Variants in SLC39A11 observed in about 807,000 individuals in gnomAD.
SLC39A11 encodes zinc transporter ZIP11.
Under a neutral mutation model 36.1 loss-of-function variants are expected in SLC39A11, and 33 were observed. The observed-to-expected ratio is 0.91, with a 90% CI of 0.69 to 1.22. The LOEUF (loss-of-function observed/expected upper bound fraction) is 1.22. Ranked by LOEUF, SLC39A11 falls within the 50% of genes most tolerant of loss-of-function variation. The pLI is 0.00. For synonymous variants in SLC39A11, 166 were observed against 170.3 expected (o/e 0.97, Z 0.20); for missense variants, 432 against 430.3 (o/e 1.00, Z -0.03).
At chr17:72,848,616 G>A (rs570352124) in intron 6 of SLC39A11, among the ~76,000 whole-genome samples, 3 of 151,988 alleles carry the variant, frequency 2.0e-5, no homozygotes, top group South Asian at 4.2e-4. Context: ...AGCTACTCAA[G>A]AGGCTGTGGC....
At chr17:72,909,172 ATGGCTCACTG>A (rs2082831243) in intron 5 of SLC39A11, among the ~76,000 whole-genome samples, 1 of 152,106 alleles carries the variant, frequency 6.6e-6, no homozygotes, top group South Asian at 2.1e-4. Flanking sequence ...TGGGGCAGTT[ATGGCTCACTG>A]TGGCCTCAAC....
At chr17:72,922,991 C>A (rs113676218) in intron 5 of SLC39A11, among the ~76,000 whole-genome samples, 19,301 of 75,228 alleles carry the variant, frequency 0.26, 2,740 homozygotes, top group Non-Finnish European at 0.31. Flanking sequence ...AAAAAAAAAA[C>A]ACACAGAAAA....
chr17:72,898,679 A>G (rs2082153777), intron 5 of SLC39A11, among the ~76,000 whole-genome samples: 1 of 152,174 alleles, frequency 6.6e-6, no homozygotes, highest in Non-Finnish European at 1.5e-5. Flanking sequence ...ATGCACATAC[A>G]TGTATACATG....
chr17:73,056,294 G>A (rs1293615279), intron 3 of SLC39A11, among the ~76,000 whole-genome samples: 3 of 151,874 alleles, frequency 2.0e-5, no homozygotes, highest in East Asian at 1.9e-4. Context: ...TCAGCCTCCC[G>A]AGTAGCTGGG....
At chr17:73,085,178 G>A (rs929685350) in intron 2 of SLC39A11, among the ~76,000 whole-genome samples, 21 of 152,116 alleles carry the variant, frequency 1.4e-4, no homozygotes, top group African/African-American at 4.6e-4. Flanking sequence ...ATTACTGAGC[G>A]TTGGTGAGGA....
chr17:73,029,066 C>T (rs2058656468), intron 4 of SLC39A11, among the ~76,000 whole-genome samples: 2 of 150,340 alleles, frequency 1.3e-5, no homozygotes, highest in Non-Finnish European at 3.0e-5. Flanking sequence ...TGCGGTGAGC[C>T]AAGATCACGC....
chr17:72,809,225 C>CTCTCTCTCTCTCTCTCTCTCTT (rs1568127678), intron 6 of SLC39A11, among the ~76,000 whole-genome samples: 9 of 150,918 alleles, frequency 6.0e-5, no homozygotes, highest in African/African-American at 2.2e-4. Flanking sequence ...CTCTCTCTCT[C>CTCTCTCTCTCTCTCTCTCTCTT]TCTTTCTTTC....
intron 6 of SLC39A11, among the ~76,000 whole-genome samples, chr17:72,807,845 G>T (rs1253075757): frequency 6.6e-6 from 1 of 152,160 alleles, no homozygotes; most frequent in Non-Finnish European, 1.5e-5. Context: ...CCGACGAGGG[G>T]GTCGTGGGAA....
At chr17:72,670,761 G>T (rs1449623868) in intron 7 of SLC39A11, among the ~76,000 whole-genome samples, 1 of 152,150 alleles carries the variant, frequency 6.6e-6, no homozygotes, top group African/African-American at 2.4e-5. Context: ...TTTTGACATG[G>T]CCTTTTGGAA....
At chr17:72,746,716 T>A (rs1234659039) in intron 6 of SLC39A11, among the ~76,000 whole-genome samples, 1 of 151,838 alleles carries the variant, frequency 6.6e-6, no homozygotes, top group Non-Finnish European at 1.5e-5. Context: ...CCAGCCTGGG[T>A]GACAGAGCAA....
At chr17:72,683,722 C>T (rs2071613624) in intron 7 of SLC39A11, among the ~76,000 whole-genome samples, 1 of 152,026 alleles carries the variant, frequency 6.6e-6, no homozygotes, top group African/African-American at 2.4e-5. Flanking sequence ...GGGTTGATCT[C>T]GTAGAAAACT....
intron 6 of SLC39A11, among the ~76,000 whole-genome samples, chr17:72,784,933 C>T (rs951016647): frequency 3.3e-5 from 5 of 150,732 alleles, no homozygotes; most frequent in Non-Finnish European, 7.4e-5. Context: ...AATCTTGGCT[C>T]ACTGCAACCT....
chr17:72,875,249 T>C (rs1414112415), intron 5 of SLC39A11, among the ~76,000 whole-genome samples: 1 of 152,218 alleles, frequency 6.6e-6, no homozygotes, highest in Non-Finnish European at 1.5e-5. Flanking sequence ...AATTAATTCA[T>C]CATTATTGAA....
intron 6 of SLC39A11, among the ~76,000 whole-genome samples, chr17:72,825,555 C>T (rs1423938365): frequency 6.6e-6 from 1 of 152,172 alleles, no homozygotes; most frequent in African/African-American, 2.4e-5. Flanking sequence ...TTCTTCCAAT[C>T]CCAGAATGGT....
intron 4 of SLC39A11, among the ~76,000 whole-genome samples, chr17:72,988,460 CAAACA>C (rs539765242): frequency 6.6e-5 from 10 of 152,170 alleles, no homozygotes; most frequent in East Asian, 1.9e-4. Flanking sequence ...GAACTTGTCT[CAAACA>C]AAACAAAACA....
chr17:72,811,035 T>C (rs2077420159), intron 6 of SLC39A11, among the ~76,000 whole-genome samples: 2 of 150,742 alleles, frequency 1.3e-5, no homozygotes, highest in Admixed American at 1.3e-4. Flanking sequence ...TTTGTTTTAC[T>C]GTATATATGT....
At chr17:72,771,354 TAAA>T (rs4036979) in intron 6 of SLC39A11, among the ~76,000 whole-genome samples, 20 of 142,920 alleles carry the variant, frequency 1.4e-4, no homozygotes, top group African/African-American at 4.5e-4. Context: ...AGACCCTATC[TAAA>T]AAAAAAAAAA....
intron 4 of SLC39A11, among the ~76,000 whole-genome samples, chr17:73,013,155 A>G (rs4969004): frequency 0.98 from 148,590 of 152,148 alleles, 72,668 homozygotes; most frequent in Middle Eastern, 1. Flanking sequence ...TGCAGTGCAC[A>G]ATCTCGGCTC....
chr17:72,704,990 G>C (rs1050421709), intron 7 of SLC39A11, among the ~76,000 whole-genome samples: 1 of 152,178 alleles, frequency 6.6e-6, no homozygotes, highest in African/African-American at 2.4e-5. Flanking sequence ...TTAGAAATGG[G>C]CAATCATGCC....
Sources: allele counts gnomAD v4.1 joint callset (sites outside exome capture counted in the v4.1 genomes callset), GRCh38; gene constraint gnomAD v4.1.1; transcripts MANE v1.5; gene names NCBI Gene and HGNC (gene_info 2026-07-23, HGNC 2026-07-21).